CFHR4: variants seen among roughly 807,000 people sequenced by gnomAD.
CFHR4 encodes the protein complement factor H related 4, also known as complement factor H-related protein 4.
A neutral mutation model predicts 69.3 loss-of-function variants in CFHR4; 64 were observed. The observed-to-expected ratio is 0.92, with a 90% CI of 0.76 to 1.14. The LOEUF is 1.14. CFHR4 is among the 50% of genes most tolerant of loss of function. CFHR4 has a pLI of 0.00. For synonymous variants in CFHR4, 244 were observed against 237.0 expected (o/e 1.03, Z -0.27); for missense variants, 636 against 684.9 (o/e 0.93, Z 0.80).
chr1:196,889,000 T>A (rs1279417847), intron 1 of CFHR4, among the ~76,000 whole-genome samples: 1 of 151,288 alleles, frequency 6.6e-6, no homozygotes, highest in African/African-American at 2.4e-5. Flanking sequence ...GTATGTAACA[T>A]TAGCAGTGGA....
chr1:196,891,809 A>G (rs1657055207), intron 1 of CFHR4, among the ~76,000 whole-genome samples: 1 of 151,238 alleles, frequency 6.6e-6, no homozygotes, highest in African/African-American at 2.4e-5. Flanking sequence ...ACATATATAA[A>G]TATACATATA....
intron 1 of CFHR4, among the ~76,000 whole-genome samples, chr1:196,900,198 T>G (rs557525416): frequency 6.6e-6 from 1 of 151,500 alleles, no homozygotes; most frequent in South Asian, 2.1e-4. Flanking sequence ...TGAGTTAACA[T>G]TGTGATAGAA....
chr1:196,912,927 G>A lies in CFHR4; in HGVS notation c.1180+5G>A, dbSNP rs1352286799. 2 of 1,611,420 alleles carry A rather than the reference G, an allele frequency of 1.2e-6. No homozygotes were observed. The highest frequency in any genetic ancestry group is 8.5e-7 in the Non-Finnish European group (1 of 1,178,734). On this transcript the variant is annotated splice_donor_5th_base_variant and intron_variant, in intron 7 of 9. Coordinates refer to ENST00000608469, the MANE Select transcript of CFHR4 (RefSeq NM_001201550.3). The stretch of plus-strand genomic sequence containing the variant: ...CAGCACAACCAATTTGCATTAGTAA[G>A]TGATTTACATATTCCCATTCAGTTT...
Position 196,902,023 on chromosome 1 carries a change from A to G in CFHR4, c.59-395A>G, listed in dbSNP as rs1354036398. ...TCCAGTCAATTTTTTAAAATCCTCA[A>G]AAAACTACTATCTCCCACTCTAGAG... is the stretch of plus-strand genomic sequence containing the variant. On this transcript the variant is annotated intron_variant, in intron 1 of 9. Coordinates refer to ENST00000608469, the MANE Select transcript of CFHR4 (RefSeq NM_001201550.3). Among the ~76,000 whole-genome samples the G allele has an allele frequency of 5.3e-5, 8 of 151,598 alleles. No individual in the cohort carries two copies. In the South Asian group the frequency reaches 8.3e-4, roughly 16 times the overall value.
intron 1 of CFHR4, among the ~76,000 whole-genome samples, chr1:196,890,836 C>T (rs1327046718): frequency 6.6e-6 from 1 of 151,594 alleles, no homozygotes; most frequent in African/African-American, 2.4e-5. Flanking sequence ...TTGACTTTTC[C>T]TACTACACAC....
In CFHR4 at chr1:196,902,680, AATG is replaced by A; in HGVS notation, c.256+68_256+70del. ...GAAAAGAGTGAGAGAACAGCAAATA[AATG>A]ATTATATTGTCTTATATAACAGAAA... is the stretch of plus-strand genomic sequence containing the variant. On this transcript the variant is annotated intron_variant, in intron 2 of 9. Transcript: ENST00000608469. 3 of 1,232,256 alleles carry A rather than the reference AATG, an allele frequency of 2.4e-6. No individual in the cohort carries two copies. In the African/African-American group the frequency reaches 4.5e-5, roughly 19 times the overall value. The allele number at this position is 1,232,256 out of a possible 1,614,324, so 76.3% of individuals were successfully genotyped here.
chr1:196,904,969 G>A, intron 2 of CFHR4, 139 bp from the exon 3 acceptor site: 1 of 832,706 alleles, frequency 1.2e-6, no homozygotes, highest in Non-Finnish European at 1.8e-6. Flanking sequence ...AGATGTCTAG[G>A]AAACTTCCAG....
At chr1:196,896,429 G>A (rs1657298008) in intron 1 of CFHR4, among the ~76,000 whole-genome samples, 1 of 151,588 alleles carries the variant, frequency 6.6e-6, no homozygotes, top group Non-Finnish European at 1.5e-5. Flanking sequence ...CAGCCAAGGG[G>A]AGGGGCTTGC....
intron 6 of CFHR4, 88 bp downstream of exon 6, chr1:196,910,566 T>A (rs774840936): frequency 1.1e-4 from 119 of 1,089,708 alleles, no homozygotes; most frequent in Non-Finnish European, 1.5e-4. Context: ...TTGTCTTATA[T>A]GACAGAGATG....
At chr1:196,911,570 G>T (rs2124967802) in intron 6 of CFHR4, among the ~76,000 whole-genome samples, 1 of 151,414 alleles carries the variant, frequency 6.6e-6, no homozygotes, top group South Asian at 2.1e-4. Flanking sequence ...AGGTAAAGGG[G>T]TCTCTGAAAG....
In CFHR4 at chr1:196,888,176, T is replaced by C. The variant is rs1213243796; in HGVS notation, c.26T>C (p.Leu9Pro). The C allele has an allele frequency of 1.2e-6, 2 of 1,611,280 alleles. No homozygotes were observed. Among genetic ancestry groups the C allele is most frequent in the Non-Finnish European group, 1.7e-6 (2 of 1,178,704 alleles). The change falls in exon 1 of 10, where the codon CTG (leucine) becomes CCG (proline). Residue 9 changes from leucine (L) to proline (P), a missense_variant. By Grantham distance (98) the Leu-to-Pro change is moderately conservative. This residue lies in a region of CFHR4 where 529 missense variants were observed against 533.2 expected (regional missense o/e 0.99). Coordinates refer to ENST00000608469, the MANE Select transcript of CFHR4 (RefSeq NM_001201550.3). ...ATGTTGTTACTAATCAATGTCATTC[T>C]GACCTTGTGGGTTTCCTGTGCTAAT... Reference protein sequence around the residue: MLLLINVILTLWVSCANGQ... With the variant: MLLLINVIPTLWVSCANGQ...
intron 7 of CFHR4, among the ~76,000 whole-genome samples, chr1:196,913,166 T>C (rs572096906): frequency 2.0e-5 from 3 of 151,734 alleles, no homozygotes; most frequent in African/African-American, 7.3e-5. Context: ...AATCTTATCA[T>C]GTACAGACTA....
intron 1 of CFHR4, among the ~76,000 whole-genome samples, chr1:196,889,355 C>T (rs879041169): frequency 1.3e-5 from 2 of 151,430 alleles, no homozygotes; most frequent in Admixed American, 6.6e-5. Context: ...GCTACAGGCA[C>T]ATTTTTTAAA....
rs986787045 is a variant in CFHR4, at chr1:196,901,891, A to G, written c.59-527A>G. ...TCATTTTCCTGGTTAAATAAAGGAT[A>G]GAAATCTTGTCTTAATAACTGGTTT... On this transcript the variant is annotated intron_variant, in intron 1 of 9. Coordinates refer to ENST00000608469, the MANE Select transcript of CFHR4 (RefSeq NM_001201550.3). Among the ~76,000 whole-genome samples, 6 of 151,578 alleles carry G rather than the reference A, an allele frequency of 4.0e-5. 1 individual carries two copies. Among genetic ancestry groups the G allele is most frequent in the African/African-American group, 9.7e-5 (4 of 41,112 alleles).
Position 196,904,029 on chromosome 1 carries a change from T to C in CFHR4, c.257-1079T>C, listed in dbSNP as rs1012403463. On this transcript the variant is annotated intron_variant, in intron 2 of 9. Transcript: ENST00000608469. ...TTCCATTATAGAAACTATATGATAA[T>C]TAGGATACAATAGAGATAAAGGACA... 4.7e-4 allele frequency among the ~76,000 whole-genome samples: 71 copies of C among 151,544 alleles called. 2 individuals carry two copies. The highest frequency in any genetic ancestry group is 1.6e-3 in the African/African-American group (67 of 41,074).
At position 196,918,278 on chromosome 1, in the gene CFHR4, A is replaced by C; in HGVS notation, c.1609A>C (p.Lys537Gln). The C allele has an allele frequency of 6.2e-7, 1 of 1,609,182 alleles. No homozygotes were observed. The highest frequency in any genetic ancestry group is 2.2e-5 in the East Asian group (1 of 44,670). Residue 537 changes from lysine (K) to glutamine (Q), a missense_variant, in exon 10 of 10, where the codon AAA becomes CAA. Coordinates refer to ENST00000608469, the MANE Select transcript of CFHR4 (RefSeq NM_001201550.3). Reference protein sequence around the residue: ...NIQLKGKSDIKYYAKTGDTIE... With the variant: ...NIQLKGKSDIQYYAKTGDTIE... ...ACAGTTAAAAGGAAAAAGTGACATA[A>C]AATATTATGCAAAAACAGGGGATAC...
At position 196,914,937 on chromosome 1, in the gene CFHR4, ATAAAG is replaced by A. The variant is rs1658510062; in HGVS notation, c.1358-16_1358-12del. The A allele has an allele frequency of 3.1e-6, 5 of 1,607,446 alleles. No homozygotes were observed. The highest frequency in any genetic ancestry group is 4.5e-5 in the East Asian group (2 of 44,682). On this transcript the variant is annotated splice_polypyrimidine_tract_variant and intron_variant, in intron 8 of 9. Coordinates refer to ENST00000608469, the MANE Select transcript of CFHR4 (RefSeq NM_001201550.3). ...TAAGACTATTGATTTTTCCCCACAT[ATAAAG>A]TATTTTTTTTCAGATTCTTCAGAAA...
chr1:196,899,864 GT>G (rs1423933846), intron 1 of CFHR4, among the ~76,000 whole-genome samples: 3 of 151,468 alleles, frequency 2.0e-5, no homozygotes, highest in Non-Finnish European at 2.9e-5. Context: ...TTTATTAAAT[GT>G]TTTACCTGAT....
intron 1 of CFHR4, 61 bp downstream of exon 1, chr1:196,888,269 T>G: frequency 1.3e-6 from 2 of 1,497,430 alleles, no homozygotes; most frequent in Non-Finnish European, 1.9e-6. Flanking sequence ...GTGTAATATC[T>G]AACTTCATAT....
Sources: gnomAD v4.1 joint callset for allele counts (sites outside exome capture counted in the v4.1 genomes callset) on GRCh38, gnomAD v4.1.1 for gene constraint, gnomAD v4.1.1 regional missense constraint, MANE v1.5 for transcripts, NCBI Gene and HGNC (gene_info 2026-07-23, HGNC 2026-07-21) for gene names.